Variants in TACC1 observed in about 807,000 individuals in gnomAD.
The protein encoded by TACC1 is transforming acidic coiled-coil-containing protein 1.
Under a neutral mutation model 84.4 loss-of-function variants are expected in TACC1, and 48 were observed. The ratio of observed to expected loss-of-function variants is 0.57; its 90% CI spans 0.45 to 0.72. The LOEUF is 0.72. Ranked by LOEUF, TACC1 falls within the 30% of genes least tolerant of loss-of-function variation. The pLI is 0.00. For synonymous variants in TACC1, 372 were observed against 376.3 expected, an observed-to-expected ratio of 0.99 and a Z score of 0.13; for missense variants, 920 against 973.0, an observed-to-expected ratio of 0.95 and a Z score of 0.72.
intron 3 of TACC1, among the ~76,000 whole-genome samples, chr8:38,761,228 G>T (rs769217144): frequency 6.6e-6 from 1 of 152,166 alleles, no homozygotes; most frequent in Non-Finnish European, 1.5e-5. Flanking sequence ...GAGTAGTGGG[G>T]AATTTGTGGA....
At chr8:38,782,443 C>CA (rs1185409109), upstream of TACC1, among the ~76,000 whole-genome samples, 1 of 152,040 alleles carries the variant, frequency 6.6e-6, no homozygotes, top group African/African-American at 2.4e-5. Context: ...GGGTTGGTTC[C>CA]AAGTCTTTGC....
intron 6 of TACC1, 114 bp from the exon 7 acceptor site, chr8:38,836,048 T>A: frequency 6.9e-7 from 1 of 1,447,282 alleles, no homozygotes; most frequent in South Asian, 1.3e-5. Context: ...CTGACTTTTC[T>A]TTAAACATGG....
intron 1 of TACC1, among the ~76,000 whole-genome samples, chr8:38,731,767 C>CAACAACAACAACAACA (rs1172157673): frequency 6.6e-6 from 1 of 151,366 alleles, no homozygotes; most frequent in Non-Finnish European, 1.5e-5. Flanking sequence ...ACAACAACAA[C>CAACAACAACAACAACA]AAAACTAGTC....
At position 38,848,074 on chromosome 8, in the gene TACC1, GACC is replaced by G; in HGVS notation, c.*54_*56del. 1 of 1,540,310 alleles carries G rather than the reference GACC, an allele frequency of 6.5e-7. No individual in the cohort carries two copies. Among genetic ancestry groups the G allele is most frequent in the Middle Eastern group, 1.7e-4 (1 of 5,892 alleles). On this transcript the variant is annotated 3_prime_UTR_variant, in exon 13 of 13. Coordinates refer to ENST00000317827, the MANE Select transcript of TACC1 (RefSeq NM_006283.3). ...ATCTGCATTTGGCTGCTTCTCTTGT[GACC>G]ACAATTATCTTGCCTTATCCAGGAA...
At position 38,827,328 on chromosome 8, in the gene TACC1, A is replaced by T. The variant is rs140495121; in HGVS notation, c.1613A>T (p.Asn538Ile). Residue 538 changes from asparagine (N) to isoleucine (I), a missense_variant, in exon 5 of 13, where the codon AAT becomes ATT. Physicochemically the swap from Asn to Ile is moderately radical, Grantham distance 149. Around this residue, in one of 2 missense-constraint regions of TACC1, gnomAD observed 762 missense variants for 747.3 expected, o/e 1.02. Transcript: ENST00000317827. ...EEDLEYFECSNVPVSTINHAF... is the reference protein window; with the variant it reads ...EEDLEYFECSIVPVSTINHAF... Reference sequence around the variant, plus strand: ...GACCTGGAGTACTTTGAATGTTCCAATGTTCCTGTGTCTACCATAAATCAT... The same window carrying T: ...GACCTGGAGTACTTTGAATGTTCCATTGTTCCTGTGTCTACCATAAATCAT... 1 of 1,614,080 alleles carries T rather than the reference A, an allele frequency of 6.2e-7. No homozygotes were observed. The highest frequency in any genetic ancestry group is 1.3e-5 in the African/African-American group (1 of 74,932).
Position 38,838,469 on chromosome 8 carries a change from G to T in TACC1, c.1840-1G>T. ...TAAAACTAAGCTTTATTGTACTCTA[G>T]ATAATTACTAAAGAGATTGAAGCAA... On this transcript the variant is annotated splice_acceptor_variant, in intron 7 of 12. Transcript: ENST00000317827. LOFTEE classifies it high-confidence loss of function. 1 of 1,610,622 alleles carries T rather than the reference G, an allele frequency of 6.2e-7. No homozygotes were observed. The highest frequency in any genetic ancestry group is 1.1e-5 in the South Asian group (1 of 90,968).
chr8:38,738,104 G>A (rs1418830482), intron 1 of TACC1, among the ~76,000 whole-genome samples: 1 of 152,078 alleles, frequency 6.6e-6, no homozygotes, highest in Non-Finnish European at 1.5e-5. Flanking sequence ...CACAATTTTT[G>A]TGAAGATTAG....
intron 6 of TACC1, among the ~76,000 whole-genome samples, chr8:38,834,164 A>C (rs1040404316): frequency 6.6e-6 from 1 of 152,192 alleles, no homozygotes; most frequent in South Asian, 2.1e-4. Flanking sequence ...AGGCTGTGCA[A>C]TCCAGGTGTT....
Position 38,850,980 on chromosome 8 carries a change from G to C in TACC1, c.*2957G>C, listed in dbSNP as rs1350206178. ...TGGGGAATGCAACGTGAGGCCAACT[G>C]AACAATTCCCCCCGTGGCTGCCCAG... On this transcript the variant is annotated 3_prime_UTR_variant, in exon 13 of 13. Transcript: ENST00000317827. 1 of 152,422 alleles carries C rather than the reference G, an allele frequency of 6.6e-6. No homozygotes were observed. Among genetic ancestry groups the C allele is most frequent in the Non-Finnish European group, 1.5e-5 (1 of 68,054 alleles). 9.4% of individuals were successfully genotyped at this position (152,422 alleles called of 1,614,324 possible).
chr8:38,820,505 A>G lies in TACC1; in HGVS notation c.1261A>G (p.Asn421Asp). 6.2e-7 allele frequency: 1 copy of G among 1,614,152 alleles called. No homozygotes were observed. The highest frequency in any genetic ancestry group is 8.5e-7 in the Non-Finnish European group (1 of 1,180,024). Reference protein sequence around the residue: ...SEGSYHFDPDNFDESMDPFKP... With the variant: ...SEGSYHFDPDDFDESMDPFKP... Reference sequence around the variant, plus strand: ...GGGCTCCTACCACTTTGACCCAGATAACTTTGACGAATCCATGGATCCCTT... The same window carrying G: ...GGGCTCCTACCACTTTGACCCAGATGACTTTGACGAATCCATGGATCCCTT... Residue 421 changes from asparagine to aspartate, a missense_variant, in exon 3 of 13, where the codon AAC becomes GAC. Asn to Asp is a conservative substitution (Grantham distance 23, BLOSUM62 1). Transcript: ENST00000317827.
At chr8:38,769,943 T>C (rs1036975261) in intron 3 of TACC1, among the ~76,000 whole-genome samples, 14 of 149,844 alleles carry the variant, frequency 9.3e-5, no homozygotes, top group Admixed American at 7.3e-4. Flanking sequence ...TGACTGTGTG[T>C]ATGGTGTGTG....
At chr8:38,753,439 A>T (rs1809397948) in intron 3 of TACC1, among the ~76,000 whole-genome samples, 1 of 152,200 alleles carries the variant, frequency 6.6e-6, no homozygotes, top group Non-Finnish European at 1.5e-5. Context: ...AGCAAGAAAG[A>T]GTTTAAACCC....
intron 3 of TACC1, among the ~76,000 whole-genome samples, chr8:38,753,212 A>G (rs1809359018): frequency 6.6e-6 from 1 of 151,902 alleles, no homozygotes; most frequent in African/African-American, 2.4e-5. Context: ...TGATCCTCCT[A>G]CTTCACGCTC....
intron 1 of TACC1, among the ~76,000 whole-genome samples, chr8:38,737,528 C>T (rs1806199517): frequency 6.6e-6 from 1 of 152,072 alleles, no homozygotes; most frequent in Non-Finnish European, 1.5e-5. Context: ...AACTGGCTTA[C>T]CTTCTGCCAC....
Position 38,819,694 on chromosome 8 carries a change from G to A in TACC1, c.450G>A (p.Arg150=). ...ATTTTAGCAAAATTTCCATCGTGAGGCCATTTTCAATAGAAACGAAGGATT... is the reference window on the plus strand; with the variant it reads ...ATTTTAGCAAAATTTCCATCGTGAGACCATTTTCAATAGAAACGAAGGATT... ...EHDFSKISIV[R]PFSIETKDST... Residue 150 remains arginine, a synonymous_variant, in exon 3 of 13, where the codon AGG becomes AGA. Transcript: ENST00000317827. 6.2e-7 allele frequency: 1 copy of A among 1,614,158 alleles called. No individual in the cohort carries two copies. Among genetic ancestry groups the A allele is most frequent in the Non-Finnish European group, 8.5e-7 (1 of 1,180,032 alleles).
Position 38,757,372 on chromosome 8 carries a change from C to G in TACC1, c.26+11879C>G. On this transcript the variant is annotated intron_variant, in intron 3 of 14. Transcript: ENST00000518415. Reference sequence around the variant, plus strand: ...CTCTCAGACCCCGAGGGGCCGGGAACCCGCCGGGGAGAGGCACCCGAGACC... The same window carrying G: ...CTCTCAGACCCCGAGGGGCCGGGAAGCCGCCGGGGAGAGGCACCCGAGACC... 3 of 1,262,720 alleles carry G rather than the reference C, an allele frequency of 2.4e-6. No individual in the cohort carries two copies. In the South Asian group the frequency reaches 3.8e-5, roughly 16 times the overall value. The allele number at this position is 1,262,720 out of a possible 1,614,324, so 78.2% of individuals were successfully genotyped here.
intron 8 of TACC1, among the ~76,000 whole-genome samples, 181 bp downstream of exon 8, chr8:38,838,727 A>T (rs1019715177): frequency 3.9e-5 from 6 of 152,226 alleles, no homozygotes; most frequent in Non-Finnish European, 1.5e-5. Flanking sequence ...CTAACCAGTT[A>T]TTATATTCAA....
intron 3 of TACC1, among the ~76,000 whole-genome samples, chr8:38,768,655 TGAG>T (rs1812765642): frequency 7.0e-6 from 1 of 143,510 alleles, no homozygotes; most frequent in African/African-American, 2.6e-5. Flanking sequence ...CTGAAGTGCT[TGAG>T]GAGTGTGTGT....
chr8:38,761,552 T>C (rs1419856289), intron 3 of TACC1, among the ~76,000 whole-genome samples: 1 of 152,258 alleles, frequency 6.6e-6, no homozygotes, highest in Non-Finnish European at 1.5e-5. Context: ...AGCACATCAC[T>C]GTGGGACACA....
Sources: allele counts gnomAD v4.1 joint callset (sites outside exome capture counted in the v4.1 genomes callset), GRCh38; gene constraint gnomAD v4.1.1; regional missense constraint gnomAD v4.1.1; transcripts MANE v1.5; gene names NCBI Gene and HGNC (gene_info 2026-07-23, HGNC 2026-07-21).